Variants in ASPH observed in about 807,000 individuals in gnomAD.
ASPH encodes aspartyl/asparaginyl beta-hydroxylase.
In ASPH, 100 loss-of-function variants were observed where a neutral mutation model predicts 118.4. The observed-to-expected ratio is 0.84, with a 90% CI of 0.72 to 1.00. The LOEUF (loss-of-function observed/expected upper bound fraction) is 1.00. Ranked by LOEUF, ASPH falls within the 50% of genes least tolerant of loss-of-function variation. The pLI, the probability that ASPH is intolerant of heterozygous loss-of-function variation, is 0.00. For missense variants in ASPH, 920 were observed against 919.5 expected (o/e 1.00, Z -0.01); for synonymous variants, 315 against 325.6 (o/e 0.97, Z 0.35).
intron 17 of ASPH, among the ~76,000 whole-genome samples, chr8:61,563,752 T>C (rs1830741479): frequency 6.6e-6 from 1 of 152,236 alleles, no homozygotes; most frequent in East Asian, 1.9e-4. Context: ...CTTCCTTTTC[T>C]ATACCTTTCC....
At chr8:61,694,587 C>A (rs983211434) in intron 1 of ASPH, among the ~76,000 whole-genome samples, 1 of 152,218 alleles carries the variant, frequency 6.6e-6, no homozygotes, top group African/African-American at 2.4e-5. Context: ...CTTCCCTCGA[C>A]TCTCATGACT....
Position 61,503,263 on chromosome 8 carries a change from G to C in ASPH, c.*96C>G. 5.0e-6 allele frequency: 7 copies of C among 1,395,960 alleles called. No homozygotes were observed. Among genetic ancestry groups the C allele is most frequent in the Non-Finnish European group, 6.7e-6 (7 of 1,048,468 alleles). 86.5% of individuals were successfully genotyped at this position (1,395,960 alleles called of 1,614,324 possible). On this transcript the variant is annotated 3_prime_UTR_variant, in exon 25 of 25. Coordinates refer to ENST00000379454, the MANE Select transcript of ASPH (RefSeq NM_004318.4). ...ACTCGGGCTGCAAGTCAAGGGAATT[G>C]ACTCTTGGTGTTCGAAATTCTATCC...
chr8:61,645,335 T>G (rs1183277798), intron 6 of ASPH, among the ~76,000 whole-genome samples: 1 of 152,194 alleles, frequency 6.6e-6, no homozygotes, highest in East Asian at 1.9e-4. Context: ...CTCCTAACTT[T>G]AAGAATATCA....
chr8:61,618,229 G>T (rs943485721), intron 14 of ASPH, among the ~76,000 whole-genome samples: 1 of 152,078 alleles, frequency 6.6e-6, no homozygotes, highest in Admixed American at 6.5e-5. Flanking sequence ...TCTTATGCAC[G>T]TTATGTACAA....
intron 1 of ASPH, among the ~76,000 whole-genome samples, chr8:61,694,374 C>T (rs958579307): frequency 3.3e-5 from 5 of 152,152 alleles, no homozygotes; most frequent in Non-Finnish European, 5.9e-5. Context: ...TCCACAGAGC[C>T]GCTGTTTCTC....
intron 3 of ASPH, among the ~76,000 whole-genome samples, chr8:61,668,691 G>C (rs1820913081): frequency 6.6e-6 from 1 of 152,174 alleles, no homozygotes; most frequent in African/African-American, 2.4e-5. Flanking sequence ...AAAAAGGATA[G>C]CATATTTTGA....
Position 61,553,158 on chromosome 8 carries a change from A to G in ASPH, c.1537-38T>C, listed in dbSNP as rs780735068. 1.2e-5 allele frequency: 18 copies of G among 1,455,546 alleles called. No homozygotes were observed. In the South Asian group the frequency reaches 1.8e-4, roughly 14 times the overall value. 90.2% of individuals were successfully genotyped at this position (1,455,546 alleles called of 1,614,324 possible). On this transcript the variant is annotated intron_variant, in intron 19 of 24. Coordinates refer to ENST00000379454, the MANE Select transcript of ASPH (RefSeq NM_004318.4). Reference sequence around the variant, plus strand: ...CAGTGTTAGTATGGGTAAAATAATTAAATACCAGATTCCATTAATTGATTT... The same window carrying G: ...CAGTGTTAGTATGGGTAAAATAATTGAATACCAGATTCCATTAATTGATTT...
intron 3 of ASPH, among the ~76,000 whole-genome samples, chr8:61,678,712 T>G (rs1268990759): frequency 6.6e-6 from 1 of 152,130 alleles, no homozygotes; most frequent in Non-Finnish European, 1.5e-5. Flanking sequence ...TTACTATACC[T>G]GCGATGACAA....
chr8:61,566,898 C>A (rs1026760495), intron 17 of ASPH, among the ~76,000 whole-genome samples: 11 of 152,250 alleles, frequency 7.2e-5, no homozygotes, highest in Non-Finnish European at 1.0e-4. Context: ...CTTTTAGATA[C>A]CCTGGGAAAT....
chr8:61,654,777 A>C, intron 3 of ASPH, among the ~76,000 whole-genome samples: 1 of 152,140 alleles, frequency 6.6e-6, no homozygotes, highest in East Asian at 1.9e-4. Context: ...ATTTCCACAC[A>C]AAACTCACCA....
chr8:61,633,871 T>C (rs1856662950), intron 12 of ASPH, 144 bp from the exon 13 acceptor site: 4 of 578,986 alleles, frequency 6.9e-6, no homozygotes, highest in Non-Finnish European at 1.2e-5. Context: ...ATTAGGCTTC[T>C]ATACCCTCAC....
intron 22 of ASPH, among the ~76,000 whole-genome samples, chr8:61,521,640 C>A (rs1813072888): frequency 6.6e-6 from 1 of 152,230 alleles, no homozygotes. Context: ...TGCCCAGCAT[C>A]TGCAACTCAC....
chr8:61,654,954 A>G (rs1812883646), intron 3 of ASPH, among the ~76,000 whole-genome samples: 1 of 152,150 alleles, frequency 6.6e-6, no homozygotes, highest in South Asian at 2.1e-4. Context: ...TTCAAATTCA[A>G]ATTTAGGGCT....
intron 13 of ASPH, among the ~76,000 whole-genome samples, chr8:61,630,377 TG>T (rs756260808): frequency 2.0e-5 from 3 of 152,134 alleles, no homozygotes; most frequent in Non-Finnish European, 4.4e-5. Context: ...AAAATTAGAC[TG>T]TGCAAAAATA....
At position 61,714,276 on chromosome 8, in the gene ASPH, G is replaced by A. The variant is rs1838842344; in HGVS notation, c.96C>T (p.Ala32=). 1 of 1,515,736 alleles carries A rather than the reference G, an allele frequency of 6.6e-7. No individual in the cohort carries two copies. Among genetic ancestry groups the A allele is most frequent in the East Asian group, 2.7e-5 (1 of 36,484 alleles). The allele number at this position is 1,515,736 out of a possible 1,614,324, so 93.9% of individuals were successfully genotyped here. A position where few individuals can be genotyped will look rare whatever the true frequency, so the allele number is the denominator to read the frequency against. ...STSAGSSSPG[A]RRETKHGGHK... is the part of the protein sequence containing the mutation. ...CCCCGCAGGGCCTCTGACCTCTCCG[G>A]GCCCCGGGGCTGCTGCTGCCCGCAC... Residue 32 remains alanine, a synonymous_variant, in exon 1 of 25, where the codon GCC becomes GCT. Transcript: ENST00000379454.
intron 1 of ASPH, among the ~76,000 whole-genome samples, chr8:61,701,807 A>G (rs550183463): frequency 6.6e-6 from 1 of 152,340 alleles, no homozygotes; most frequent in African/African-American, 2.4e-5. Flanking sequence ...AATTAAACCA[A>G]ATTACCAGTA....
intron 21 of ASPH, among the ~76,000 whole-genome samples, chr8:61,539,149 G>C (rs1268827258): frequency 6.6e-6 from 1 of 152,186 alleles, no homozygotes; most frequent in Non-Finnish European, 1.5e-5. Context: ...GTAGAGGCAT[G>C]AGAATCGCTT....
At chr8:61,520,163 A>T (rs1812417153) in intron 22 of ASPH, among the ~76,000 whole-genome samples, 1 of 152,234 alleles carries the variant, frequency 6.6e-6, no homozygotes, top group South Asian at 2.1e-4. Flanking sequence ...ATTAACTGTC[A>T]AGAGCACAGA....
chr8:61,587,591 C>T (rs1386989488), intron 14 of ASPH, among the ~76,000 whole-genome samples: 1 of 152,074 alleles, frequency 6.6e-6, no homozygotes, highest in Non-Finnish European at 1.5e-5. Context: ...AGTGTAACAG[C>T]AAAATTATAT....
Sources: allele counts gnomAD v4.1 joint callset (sites outside exome capture counted in the v4.1 genomes callset), GRCh38; gene constraint gnomAD v4.1.1; transcripts MANE v1.5; gene names NCBI Gene and HGNC (gene_info 2026-07-23, HGNC 2026-07-21).